Variants in TEF observed in about 807,000 individuals in gnomAD.
TEF encodes thyrotroph embryonic factor.
A neutral mutation model predicts 20.8 loss-of-function variants in TEF; 3 were observed. The observed-to-expected ratio is 0.14, with a 90% CI of 0.07 to 0.37. The LOEUF is 0.37. TEF is among the 10% of genes least tolerant of loss of function. The pLI is 1.00. For synonymous variants in TEF, 180 were observed against 171.1 expected, an observed-to-expected ratio of 1.05 and a Z score of -0.41; for missense variants, 296 against 397.9, an observed-to-expected ratio of 0.74 and a Z score of 2.18.
upstream of TEF, among the ~76,000 whole-genome samples, chr22:41,381,357 G>GCCCCGCCCCCGCCCCCGC (rs553941902): frequency 1.3e-5 from 2 of 151,462 alleles, no homozygotes; most frequent in South Asian, 2.1e-4. Context: ...ACCGCCCCGG[G>GCCCCGCCCCCGCCCCCGC]CCCCGCCCCC....
intron 1 of TEF, among the ~76,000 whole-genome samples, chr22:41,371,126 C>T (rs2036877893): frequency 6.6e-6 from 1 of 152,256 alleles, no homozygotes; most frequent in Admixed American, 6.5e-5. Flanking sequence ...CACTCCAGCT[C>T]TTAACGTCTT....
In TEF at chr22:41,398,174, C is replaced by T. The variant is rs2145996416; in HGVS notation, c.*2214C>T. ...ACAAGATGGAGGATGTCCACAGAGGCTGACCTGTGGGGGAAAAGAAGTGCT... is the reference window on the plus strand; with the variant it reads ...ACAAGATGGAGGATGTCCACAGAGGTTGACCTGTGGGGGAAAAGAAGTGCT... On this transcript the variant is annotated 3_prime_UTR_variant, in exon 4 of 4. Coordinates refer to ENST00000266304, the MANE Select transcript of TEF (RefSeq NM_003216.4). The T allele has an allele frequency of 6.6e-6, 1 of 152,446 alleles. No homozygotes were observed. The highest frequency in any genetic ancestry group is 6.5e-5 in the Admixed American group (1 of 15,284). The allele number at this position is 152,446 out of a possible 1,614,324, so 9.4% of individuals were successfully genotyped here.
chr22:41,374,468 C>T lies in TEF; in HGVS notation c.67+6869C>T, dbSNP rs138334929. 7.2e-3 allele frequency among the ~76,000 whole-genome samples: 1,089 copies of T among 151,716 alleles called. 15 individuals are homozygous for T. The highest frequency in any genetic ancestry group is 0.026 in the African/African-American group (1,067 of 41,360). On this transcript the variant is annotated intron_variant, in intron 1 of 3. Transcript: ENST00000406644. ...TCGGTAGGCTGAGGCAGGAGAATGG[C>T]GTGAACCCAGGAGGCAGAACTTGCA...
intron 1 of TEF, among the ~76,000 whole-genome samples, chr22:41,372,423 T>C (rs896607974): frequency 5.9e-5 from 9 of 152,190 alleles, no homozygotes; most frequent in African/African-American, 2.2e-4. Flanking sequence ...GCCAGGACTG[T>C]ATTGTGTGTG....
At chr22:41,382,321 G>A in intron 1 of TEF, 120 bp downstream of exon 1, 2 of 925,890 alleles carry the variant, frequency 2.2e-6, no homozygotes, top group Non-Finnish European at 2.8e-6. Context: ...GGAGGGGGAT[G>A]GGGCCTGGAT....
rs1057398366 is a variant in TEF at position 41,382,025 on chromosome 22, C to G, written c.-20C>G. ...GGGCGGGCGGGGGAGGCGAGGTGCG[C>G]GAGCCGAGTCCGGGGCACGATGTCC... On this transcript the variant is annotated 5_prime_UTR_variant, in exon 1 of 4. Coordinates refer to ENST00000266304, the MANE Select transcript of TEF (RefSeq NM_003216.4). 3 of 1,229,248 alleles carry G rather than the reference C, an allele frequency of 2.4e-6. No homozygotes were observed. The highest frequency in any genetic ancestry group is 3.0e-6 in the Non-Finnish European group (3 of 986,506). 76.1% of individuals were successfully genotyped at this position (1,229,248 alleles called of 1,614,324 possible).
chr22:41,379,693 C>T (rs555438952), upstream of TEF, among the ~76,000 whole-genome samples: 97 of 151,960 alleles, frequency 6.4e-4, no homozygotes, highest in African/African-American at 2.1e-3. Flanking sequence ...GGAGAAACCC[C>T]GTCTCTACCA....
intron 3 of TEF, among the ~76,000 whole-genome samples, chr22:41,395,246 T>G (rs988153628): frequency 4.6e-5 from 7 of 152,166 alleles, no homozygotes; most frequent in Admixed American, 2.6e-4. Context: ...CCTCAAGTGA[T>G]CCACCTGCCT....
chr22:41,389,294 G>A (rs1248330122), intron 2 of TEF, among the ~76,000 whole-genome samples: 3 of 151,998 alleles, frequency 2.0e-5, no homozygotes, highest in African/African-American at 7.3e-5. Context: ...CCAACTACTC[G>A]GGAGGCTGAG....
At chr22:41,394,038 C>A in intron 2 of TEF, 58 bp from the exon 3 acceptor site, 2 of 1,505,746 alleles carry the variant, frequency 1.3e-6, no homozygotes, top group South Asian at 2.4e-5. Context: ...GGGTGTGTGG[C>A]GTGGGTCTTC....
At chr22:41,395,686 A>G (rs952542310) in intron 3 of TEF, 59 bp from the exon 4 acceptor site, 24 of 1,568,092 alleles carry the variant, frequency 1.5e-5, no homozygotes, top group Non-Finnish European at 2.0e-5. Flanking sequence ...GTGGGAGTGG[A>G]AAAATTGGGT....
intron 1 of TEF, among the ~76,000 whole-genome samples, chr22:41,375,259 T>C (rs2036926715): frequency 6.6e-6 from 1 of 152,058 alleles, no homozygotes; most frequent in African/African-American, 2.4e-5. Flanking sequence ...GTAAAGAGCC[T>C]CCACCCACCA....
intron 2 of TEF, among the ~76,000 whole-genome samples, chr22:41,392,577 G>A (rs1437864606): frequency 1.3e-5 from 2 of 150,310 alleles, no homozygotes; most frequent in Non-Finnish European, 2.9e-5. Context: ...GGGAGGCTGA[G>A]GCAGGAGAAT....
At position 41,392,911 on chromosome 22, in the gene TEF, C is replaced by T. The variant is rs117606820; in HGVS notation, c.476-1185C>T. The stretch of plus-strand genomic sequence containing the variant: ...AACTAGCCAGGCGTGGTGGCTTATG[C>T]CTGTTGTCTCCACTACTCGGGAGGC... On this transcript the variant is annotated intron_variant, in intron 2 of 3. Coordinates refer to ENST00000266304, the MANE Select transcript of TEF (RefSeq NM_003216.4). Among the ~76,000 whole-genome samples, 50 of 151,324 alleles carry T rather than the reference C, an allele frequency of 3.3e-4. 1 individual carries two copies. The East Asian group carries it at 9.0e-3, about 27-fold the overall frequency.
At chr22:41,368,966 T>G (rs1010427073) in intron 1 of TEF, 2 of 737,214 alleles carry the variant, frequency 2.7e-6, no homozygotes, top group African/African-American at 3.8e-5. Context: ...GAGTGGCCTG[T>G]GTGGGTGGGC....
At chr22:41,395,110 G>A (rs545484700) in intron 3 of TEF, among the ~76,000 whole-genome samples, 4 of 152,230 alleles carry the variant, frequency 2.6e-5, no homozygotes, top group Non-Finnish European at 5.9e-5. Context: ...AGGTTCAACC[G>A]ATTCTTGTGC....
chr22:41,393,999 AT>A, intron 2 of TEF, 96 bp from the exon 3 acceptor site: 1 of 1,155,520 alleles, frequency 8.7e-7, no homozygotes, highest in Non-Finnish European at 1.2e-6. Context: ...GCAGTGGCTT[AT>A]GCAGCCTTGA....
At chr22:41,391,233 T>G (rs1169759476) in intron 2 of TEF, among the ~76,000 whole-genome samples, 1 of 152,160 alleles carries the variant, frequency 6.6e-6, no homozygotes, top group Non-Finnish European at 1.5e-5. Flanking sequence ...TATCTCAGGA[T>G]AAAAGTCAGA....
upstream of TEF, among the ~76,000 whole-genome samples, chr22:41,381,354 C>T (rs1040112418): frequency 6.6e-6 from 1 of 151,758 alleles, no homozygotes; most frequent in Non-Finnish European, 1.5e-5. Flanking sequence ...TGCACCGCCC[C>T]GGGCCCCGCC....
Sources: gnomAD v4.1 joint callset for allele counts (sites outside exome capture counted in the v4.1 genomes callset) on GRCh38, gnomAD v4.1.1 for gene constraint, MANE v1.5 for transcripts, NCBI Gene and HGNC (gene_info 2026-07-23, HGNC 2026-07-21) for gene names.